The following CTNNA3 variants were observed in gnomAD, a reference collection of about 807,000 sequenced individuals.
CTNNA3 encodes the protein catenin alpha 3, also known as catenin alpha-3.
CTNNA3 carries 76 observed loss-of-function variants against 95.7 expected under a neutral mutation model. The observed-to-expected ratio is 0.79, with a 90% CI of 0.66 to 0.96. The LOEUF is 0.96. Among genes scored for constraint, CTNNA3 ranks in the 40% least tolerant of loss-of-function variants. CTNNA3 has a pLI of 0.00. For missense variants in CTNNA3, 1,191 were observed against 1,089.8 expected, an observed-to-expected ratio of 1.09 and a Z score of -1.31; for synonymous variants, 431 against 374.4, an observed-to-expected ratio of 1.15 and a Z score of -1.74.
At chr10:66,202,240 C>T (rs2087472307) in intron 13 of CTNNA3, among the ~76,000 whole-genome samples, 1 of 152,150 alleles carries the variant, frequency 6.6e-6, no homozygotes, top group Non-Finnish European at 1.5e-5. Context: ...ACTGTTAAAT[C>T]AAGTTCAGGC....
At chr10:66,108,891 C>T (rs2133769178) in intron 13 of CTNNA3, among the ~76,000 whole-genome samples, 1 of 152,144 alleles carries the variant, frequency 6.6e-6, no homozygotes, top group South Asian at 2.1e-4. Context: ...ATCAATAATT[C>T]CTTGCCTAAA....
intron 1 of CTNNA3, among the ~76,000 whole-genome samples, chr10:67,694,158 C>T (rs757124314): frequency 3.9e-5 from 6 of 152,088 alleles, no homozygotes; most frequent in Admixed American, 1.3e-4. Flanking sequence ...TGCAAAGTAA[C>T]GTAAGTGATC....
intron 5 of CTNNA3, among the ~76,000 whole-genome samples, chr10:67,266,106 G>T (rs988717570): frequency 6.6e-6 from 1 of 151,984 alleles, no homozygotes; most frequent in Non-Finnish European, 1.5e-5. Context: ...GCTGATATAC[G>T]CTAGAAAGAG....
chr10:67,679,036 G>C (rs1479197018), intron 1 of CTNNA3, among the ~76,000 whole-genome samples: 2 of 152,136 alleles, frequency 1.3e-5, no homozygotes, highest in African/African-American at 4.8e-5. Context: ...AAGGAGAATG[G>C]TCTTTAAAAT....
At chr10:66,925,557 C>G (rs1847020854) in intron 7 of CTNNA3, among the ~76,000 whole-genome samples, 1 of 152,200 alleles carries the variant, frequency 6.6e-6, no homozygotes, top group Non-Finnish European at 1.5e-5. Context: ...GTCATCCCCT[C>G]TATTCCAAAA....
At chr10:67,697,352 G>T (rs969074137), upstream of CTNNA3, among the ~76,000 whole-genome samples, 1 of 152,098 alleles carries the variant, frequency 6.6e-6, no homozygotes, top group African/African-American at 2.4e-5. Flanking sequence ...ATCTTTTCTT[G>T]AATAAAGAAA....
chr10:67,664,299 G>A (rs1243556023), intron 1 of CTNNA3, among the ~76,000 whole-genome samples: 3 of 151,998 alleles, frequency 2.0e-5, no homozygotes, highest in African/African-American at 4.8e-5. Flanking sequence ...ATTTTTTTCT[G>A]AACATTTGGG....
At chr10:67,591,616 T>C (rs1040735996) in intron 3 of CTNNA3, among the ~76,000 whole-genome samples, 1 of 151,988 alleles carries the variant, frequency 6.6e-6, no homozygotes. Flanking sequence ...AATATGTTAA[T>C]AGAAAATGTC....
chr10:67,048,010 G>A (rs755518657), intron 7 of CTNNA3, among the ~76,000 whole-genome samples: 10 of 152,116 alleles, frequency 6.6e-5, no homozygotes, highest in Non-Finnish European at 1.0e-4. Flanking sequence ...ACAGTACCAT[G>A]TGTTCTTTCT....
At chr10:66,970,840 T>C (rs1849682298) in intron 7 of CTNNA3, among the ~76,000 whole-genome samples, 1 of 152,180 alleles carries the variant, frequency 6.6e-6, no homozygotes, top group South Asian at 2.1e-4. Flanking sequence ...CTCTGTGTAT[T>C]ATTTCCTCTT....
chr10:67,504,996 T>C (rs10823052), intron 5 of CTNNA3, among the ~76,000 whole-genome samples: 19,945 of 152,232 alleles, frequency 0.13, 1,620 homozygotes, highest in East Asian at 0.31. Context: ...ATATATGGTA[T>C]AGATGTATGT....
At chr10:67,344,901 TCA>T (rs1171068082) in intron 5 of CTNNA3, among the ~76,000 whole-genome samples, 4 of 151,968 alleles carry the variant, frequency 2.6e-5, no homozygotes, top group Non-Finnish European at 5.9e-5. Flanking sequence ...GCATTTTCTC[TCA>T]CTTTTCCAGT....
intron 2 of CTNNA3, among the ~76,000 whole-genome samples, chr10:67,618,246 C>T (rs1843719371): frequency 1.3e-5 from 2 of 152,136 alleles, no homozygotes; most frequent in Admixed American, 6.5e-5. Context: ...CCAAAGAAGA[C>T]TCTAAAATAA....
At chr10:66,777,479 G>A (rs1840349220) in intron 7 of CTNNA3, among the ~76,000 whole-genome samples, 1 of 152,058 alleles carries the variant, frequency 6.6e-6, no homozygotes, top group Admixed American at 6.6e-5. Context: ...TCAGAGCAAT[G>A]GCAGCAATTA....
At chr10:66,559,190 C>G (rs1842477407) in intron 10 of CTNNA3, among the ~76,000 whole-genome samples, 1 of 152,038 alleles carries the variant, frequency 6.6e-6, no homozygotes, top group South Asian at 2.1e-4. Context: ...TTCTTCTTCT[C>G]CTTGCAGCCA....
chr10:66,707,856 G>C (rs1048417584), intron 9 of CTNNA3, among the ~76,000 whole-genome samples: 10 of 151,934 alleles, frequency 6.6e-5, no homozygotes, highest in Non-Finnish European at 1.3e-4. Flanking sequence ...TATCTCCTTA[G>C]AAAAAAGCTA....
chr10:66,579,679 T>G (rs568466220), intron 10 of CTNNA3, among the ~76,000 whole-genome samples: 22 of 151,926 alleles, frequency 1.4e-4, no homozygotes, highest in African/African-American at 5.3e-4. Context: ...GGTGTCAAAT[T>G]ATTTTATTGT....
At chr10:67,585,816 T>C (rs2133333881) in intron 3 of CTNNA3, among the ~76,000 whole-genome samples, 1 of 152,248 alleles carries the variant, frequency 6.6e-6, no homozygotes, top group South Asian at 2.1e-4. Flanking sequence ...TTTTAGTCTC[T>C]AATTCATTTA....
At chr10:66,557,840 ATT>A (rs541655596) in intron 10 of CTNNA3, among the ~76,000 whole-genome samples, 103 of 152,084 alleles carry the variant, frequency 6.8e-4, no homozygotes, top group African/African-American at 2.4e-3. Context: ...GATTAAAAAT[ATT>A]TTTTACATCA....
Sources: gnomAD v4.1 joint callset for allele counts (sites outside exome capture counted in the v4.1 genomes callset) on GRCh38, gnomAD v4.1.1 for gene constraint, MANE v1.5 for transcripts, NCBI Gene and HGNC (gene_info 2026-07-23, HGNC 2026-07-21) for gene names.